The following BPIFB2 variants were observed in gnomAD, a reference collection of about 807,000 sequenced individuals.
BPIFB2 encodes BPI fold containing family B member 2.
Under a neutral mutation model 50.1 loss-of-function variants are expected in BPIFB2, and 39 were observed. The ratio of observed to expected loss-of-function variants is 0.78; its 90% CI spans 0.60 to 1.02. BPIFB2 has a LOEUF of 1.02. Among genes scored for constraint, BPIFB2 ranks in the 50% least tolerant of loss-of-function variants. The probability of loss-of-function intolerance (pLI) is 0.00; values close to 1 mark genes in which losing one functional copy is unlikely to be tolerated. For synonymous variants in BPIFB2, 280 were observed against 256.3 expected (o/e 1.09, Z -0.88); for missense variants, 574 against 585.8 (o/e 0.98, Z 0.21).
rs868761945 is a variant in BPIFB2, at chr20:33,013,923, C to T, written c.422C>T (p.Ser141Leu). 1.9e-5 allele frequency: 31 copies of T among 1,613,756 alleles called. No homozygotes were observed. Among genetic ancestry groups the T allele is most frequent in the Admixed American group, 5.0e-5 (3 of 59,988 alleles). ...AGCATCTCTGCCTGCTCTTTATTCT[C>T]GGGCCACGCCAACGAGTTTGATGGC... The part of the protein sequence containing the change: ...VVSISACSLF[S>L]GHANEFDGSN... Residue 141 changes from serine to leucine, a missense_variant, in exon 5 of 16, where the codon TCG (serine) becomes TTG (leucine). By Grantham distance (145) the Ser-to-Leu change is moderately radical. Coordinates refer to ENST00000170150, the MANE Select transcript of BPIFB2 (RefSeq NM_025227.3).
intron 5 of BPIFB2, among the ~76,000 whole-genome samples, chr20:33,014,783 C>T (rs747449186): frequency 6.6e-6 from 1 of 152,220 alleles, no homozygotes; most frequent in Non-Finnish European, 1.5e-5. Flanking sequence ...ATGATCACCA[C>T]GTGTGACTCA....
chr20:33,015,170 T>A (rs947039652), intron 5 of BPIFB2, among the ~76,000 whole-genome samples: 5 of 152,158 alleles, frequency 3.3e-5, no homozygotes, highest in Non-Finnish European at 5.9e-5. Context: ...AGTCTGGCTT[T>A]TGCAACGCCC....
intron 15 of BPIFB2, 136 bp downstream of exon 15, chr20:33,021,935 G>C: frequency 1.1e-6 from 1 of 876,256 alleles, no homozygotes; most frequent in East Asian, 2.5e-5. Context: ...GAAATGAAAA[G>C]TCCAGGATGC....
At chr20:33,012,750 T>C in intron 3 of BPIFB2, 53 bp from the exon 4 acceptor site, 1 of 1,432,378 alleles carries the variant, frequency 7.0e-7, no homozygotes, top group Non-Finnish European at 9.8e-7. Context: ...ACCCCAGAGT[T>C]GATCCCATGG....
intron 13 of BPIFB2, 122 bp downstream of exon 13, chr20:33,020,709 G>T: frequency 8.7e-7 from 1 of 1,143,978 alleles, no homozygotes; most frequent in Non-Finnish European, 1.2e-6. Flanking sequence ...CTATAGTCAG[G>T]CTTCCCCGGG....
rs1978539566 is a variant in BPIFB2, at chr20:33,018,835, C to A, written c.855+13C>A. 1.2e-6 allele frequency: 2 copies of A among 1,606,326 alleles called. No homozygotes were observed. Among genetic ancestry groups the A allele is most frequent in the South Asian group, 1.1e-5 (1 of 89,938 alleles). On this transcript the variant is annotated intron_variant, in intron 9 of 15. Transcript: ENST00000170150. ...CACAGGGCAGCTGGTGAGGGCCCGACCTGCAGCCCAGGGCCTGTGGGGCAA... is the reference window on the plus strand; with the variant it reads ...CACAGGGCAGCTGGTGAGGGCCCGAACTGCAGCCCAGGGCCTGTGGGGCAA...
chr20:33,017,696 G>T (rs1472108414), intron 7 of BPIFB2, among the ~76,000 whole-genome samples: 1 of 152,232 alleles, frequency 6.6e-6, no homozygotes, highest in African/African-American at 2.4e-5. Context: ...GATGAGGTGG[G>T]AAGAGCATAG....
At chr20:33,013,395 A>G (rs1164623712) in intron 4 of BPIFB2, among the ~76,000 whole-genome samples, 2 of 152,164 alleles carry the variant, frequency 1.3e-5, no homozygotes, top group Non-Finnish European at 2.9e-5. Context: ...CCCTGACACT[A>G]TGATTTTATG....
At position 33,019,632 on chromosome 20, in the gene BPIFB2, G is replaced by C. The variant is rs911178548; in HGVS notation, c.962G>C (p.Gly321Ala). 1 of 1,611,322 alleles carries C rather than the reference G, an allele frequency of 6.2e-7. No individual in the cohort carries two copies. The highest frequency in any genetic ancestry group is 1.3e-5 in the African/African-American group (1 of 74,898). ...PMPVVLKVRLGATPVAMLHTN... is the reference protein window; with the variant it reads ...PMPVVLKVRLAATPVAMLHTN... Reference sequence around the variant, plus strand: ...CCTGTGGTGCTCAAGGTGCGGCTGGGTGCCACACCTGTGGCCATGCTCCAC... The same window carrying C: ...CCTGTGGTGCTCAAGGTGCGGCTGGCTGCCACACCTGTGGCCATGCTCCAC... The change falls in exon 11 of 16, where the codon GGT (glycine) becomes GCT (alanine). Residue 321 changes from glycine (G) to alanine (A), a missense_variant. Coordinates refer to ENST00000170150, the MANE Select transcript of BPIFB2 (RefSeq NM_025227.3).
At chr20:33,017,261 G>A (rs17124001) in intron 7 of BPIFB2, among the ~76,000 whole-genome samples, 159 bp downstream of exon 7, 2 of 152,170 alleles carry the variant, frequency 1.3e-5, no homozygotes, top group African/African-American at 4.8e-5. Context: ...AATTATTCAT[G>A]AAATCTGGGA....
chr20:33,022,125 T>C (rs1386953232), intron 15 of BPIFB2, among the ~76,000 whole-genome samples: 2 of 152,210 alleles, frequency 1.3e-5, no homozygotes, highest in Admixed American at 6.5e-5. Flanking sequence ...GTAGACAAAC[T>C]GTGCAGGCTG....
At chr20:33,012,411 C>A (rs6059016) in intron 3 of BPIFB2, among the ~76,000 whole-genome samples, 1 of 151,908 alleles carries the variant, frequency 6.6e-6, no homozygotes, top group Non-Finnish European at 1.5e-5. Flanking sequence ...AGTGGGGGAG[C>A]TTCTGTTGCT....
chr20:33,016,500 C>A (rs866714018), intron 6 of BPIFB2, among the ~76,000 whole-genome samples: 1 of 152,200 alleles, frequency 6.6e-6, no homozygotes, highest in Non-Finnish European at 1.5e-5. Context: ...GTTAAGGCTG[C>A]GAGTGCCCCT....
rs148073557 is a variant in BPIFB2, at chr20:33,011,357, G to A, written c.203+240G>A. ...GAGAGGGACCCAAGATGGAGAAGCC[G>A]GGCCTGGTGCCTCTGAATTAGTGAA... On this transcript the variant is annotated intron_variant, in intron 3 of 15. Transcript: ENST00000170150. Among the ~76,000 whole-genome samples, 30 of 152,316 alleles carry A rather than the reference G, an allele frequency of 2.0e-4. 1 individual carries two copies. The highest frequency in any genetic ancestry group is 9.7e-4 in the East Asian group (5 of 5,176).
intron 3 of BPIFB2, among the ~76,000 whole-genome samples, chr20:33,011,458 A>G (rs1206726330): frequency 1.3e-5 from 2 of 152,096 alleles, no homozygotes; most frequent in Non-Finnish European, 2.9e-5. Context: ...GAAACTGGAT[A>G]CTGAATTTAG....
At position 33,009,338 on chromosome 20, in the gene BPIFB2, C is replaced by T. The variant is rs1302561334; in HGVS notation, c.109+655C>T. On this transcript the variant is annotated intron_variant, in intron 2 of 15. Transcript: ENST00000170150. The surrounding 1 kb of genome is among the most constrained non-coding windows in gnomAD (Gnocchi z 4.2). ...GGAGGGCACAATGAAGAAACTTAGCCCCAGGGAGGGACAGACATTGCCAAG... is the reference window on the plus strand; with the variant it reads ...GGAGGGCACAATGAAGAAACTTAGCTCCAGGGAGGGACAGACATTGCCAAG... Among the ~76,000 whole-genome samples the T allele has an allele frequency of 6.6e-6, 1 of 152,130 alleles. No homozygotes were observed. The highest frequency in any genetic ancestry group is 1.5e-5 in the Non-Finnish European group (1 of 68,038).
chr20:33,014,101 A>T (rs779800705), intron 5 of BPIFB2, 145 bp downstream of exon 5: 28 of 1,161,128 alleles, frequency 2.4e-5, no homozygotes, highest in Non-Finnish European at 2.9e-5. Flanking sequence ...ATGTCGGAGG[A>T]CACTGAGGCT....
intron 5 of BPIFB2, 80 bp downstream of exon 5, chr20:33,014,036 G>T: frequency 6.6e-7 from 1 of 1,515,008 alleles, no homozygotes; most frequent in South Asian, 1.3e-5. Context: ...GCCCACTCAG[G>T]ACTTTAACCA....
In BPIFB2 at chr20:33,013,945, T is replaced by C; in HGVS notation, c.444T>C (p.Asp148=). Residue 148 remains aspartate, a synonymous_variant, in exon 5 of 16, where the codon GAT becomes GAC. Transcript: ENST00000170150. The stretch of plus-strand genomic sequence containing the variant: ...TCTCGGGCCACGCCAACGAGTTTGA[T>C]GGCAGTAACAGGTGGGTGCCTGGTG... ...SLFSGHANEF[D]GSNSTSHALL... 6.2e-7 allele frequency: 1 copy of C among 1,613,604 alleles called. No individual in the cohort carries two copies.
Sources: allele counts gnomAD v4.1 joint callset (sites outside exome capture counted in the v4.1 genomes callset), GRCh38; gene constraint gnomAD v4.1.1; non-coding constraint Gnocchi (gnomAD v3.1); transcripts MANE v1.5; gene names NCBI Gene and HGNC (gene_info 2026-07-23, HGNC 2026-07-21).